PDK1: variants seen among roughly 807,000 people sequenced by gnomAD.
PDK1 encodes the protein [Pyruvate dehydrogenase (acetyl-transferring)] kinase isozyme 1, mitochondrial.
PDK1 carries 39 observed loss-of-function variants against 54.2 expected under a neutral mutation model. That is an observed-to-expected ratio of 0.72 (90% CI 0.56 to 0.94). PDK1 has a LOEUF of 0.94. PDK1 is among the 40% of genes least tolerant of loss of function. PDK1 has a pLI of 0.00. For missense variants in PDK1, 552 were observed against 566.0 expected (o/e 0.98, Z 0.25); for synonymous variants, 221 against 207.1 (o/e 1.07, Z -0.58).
In PDK1 at chr2:172,596,134, A is replaced by G. The variant is rs1690878175; in HGVS notation, c.*165A>G. 3 of 553,032 alleles carry G rather than the reference A, an allele frequency of 5.4e-6. No individual in the cohort carries two copies. The highest frequency in any genetic ancestry group is 3.4e-5 in the South Asian group (1 of 29,738). 34.3% of individuals were successfully genotyped at this position (553,032 alleles called of 1,614,324 possible). On this transcript the variant is annotated 3_prime_UTR_variant, in exon 11 of 11. Transcript: ENST00000282077. ...TCCATTTGTGCCCGTTAAACCTCCT[A>G]AAGGATGAAATTGCACCTATTTTAC... is the stretch of plus-strand genomic sequence containing the variant.
chr2:172,662,812 TC>T, the PDK1 span, among the ~76,000 whole-genome samples: 1 of 152,132 alleles, frequency 6.6e-6, no homozygotes, highest in Non-Finnish European at 1.5e-5. Flanking sequence ...CTAGGCCTTT[TC>T]CCCCTCTTTT....
rs1401722050 is a variant in PDK1 at position 172,558,750 on chromosome 2, G to A, written c.239G>A (p.Arg80Gln). The change falls in exon 2 of 11, where the codon CGG becomes CAG. Residue 80 changes from arginine to glutamine, a missense_variant. Physicochemically the swap from Arg to Gln is conservative, Grantham distance 43. Transcript: ENST00000282077. ...ACEKTSFMFL[R>Q]QELPVRLANI... is the part of the protein sequence containing the mutation. Reference sequence around the variant, plus strand: ...GAAAAGACCTCATTTATGTTTCTGCGGCAAGAGTTGCCTGTCAGACTGGCA... The same window carrying A: ...GAAAAGACCTCATTTATGTTTCTGCAGCAAGAGTTGCCTGTCAGACTGGCA... The A allele has an allele frequency of 1.9e-6, 3 of 1,610,014 alleles. No individual in the cohort carries two copies. Among genetic ancestry groups the A allele is most frequent in the South Asian group, 2.2e-5 (2 of 90,418 alleles).
the PDK1 span, among the ~76,000 whole-genome samples, chr2:172,667,292 G>A: frequency 6.6e-6 from 1 of 152,190 alleles, no homozygotes; most frequent in African/African-American, 2.4e-5. Context: ...GTCTGCAGAA[G>A]GAACAGGCAA....
chr2:172,699,695 T>C, the PDK1 span, among the ~76,000 whole-genome samples: 1 of 152,006 alleles, frequency 6.6e-6, no homozygotes, highest in South Asian at 2.1e-4. Context: ...TAAGTGAAAA[T>C]TATTGCTCTA....
chr2:172,610,477 C>T (rs909783369), downstream of PDK1, among the ~76,000 whole-genome samples: 1 of 152,134 alleles, frequency 6.6e-6, no homozygotes, highest in African/African-American at 2.4e-5. Flanking sequence ...CTTTTGTTCT[C>T]CAGTCCTGGG....
chr2:172,560,757 A>C (rs1201493662), intron 2 of PDK1, among the ~76,000 whole-genome samples: 4 of 152,192 alleles, frequency 2.6e-5, no homozygotes, highest in Non-Finnish European at 5.9e-5. Flanking sequence ...TCTCTTCCCA[A>C]AGATAAGTAG....
At chr2:172,609,632 C>A (rs958351001), downstream of PDK1, among the ~76,000 whole-genome samples, 1 of 152,214 alleles carries the variant, frequency 6.6e-6, no homozygotes, top group Non-Finnish European at 1.5e-5. Context: ...AATGCGGACA[C>A]TAGTTTCTAA....
At chr2:172,566,987 G>A in intron 6 of PDK1, 54 bp downstream of exon 6, 1 of 1,179,928 alleles carries the variant, frequency 8.5e-7, no homozygotes, top group South Asian at 1.3e-5. Flanking sequence ...TACTTGATAA[G>A]GGATAAGAAT....
the PDK1 span, among the ~76,000 whole-genome samples, chr2:172,648,633 C>G: frequency 6.6e-6 from 1 of 152,176 alleles, no homozygotes; most frequent in Non-Finnish European, 1.5e-5. Flanking sequence ...CACTCCCATC[C>G]TAATACTGAG....
At chr2:172,682,384 C>G in the PDK1 span, among the ~76,000 whole-genome samples, 2 of 152,212 alleles carry the variant, frequency 1.3e-5, no homozygotes, top group African/African-American at 4.8e-5. Flanking sequence ...TGTGGGCAGA[C>G]GAGTGACCTG....
intron 9 of PDK1, among the ~76,000 whole-genome samples, chr2:172,588,692 G>GAAAGGCCA (rs1690398485): frequency 6.6e-6 from 1 of 152,180 alleles, no homozygotes; most frequent in East Asian, 1.9e-4. Context: ...GCAGGCAGTA[G>GAAAGGCCA]GGTAGCTGGA....
At chr2:172,689,385 G>T in the PDK1 span, among the ~76,000 whole-genome samples, 1 of 152,170 alleles carries the variant, frequency 6.6e-6, no homozygotes, top group Non-Finnish European at 1.5e-5. Context: ...CCATGCTCAT[G>T]GATAGGAAGA....
At chr2:172,608,733 A>T (rs558464711), downstream of PDK1, 1 of 152,094 alleles carries the variant, frequency 6.6e-6, no homozygotes, top group African/African-American at 2.4e-5. Flanking sequence ...AAAGCTACCC[A>T]CTGTATGATT....
At chr2:172,560,522 G>A (rs1332473439) in intron 2 of PDK1, among the ~76,000 whole-genome samples, 2 of 152,148 alleles carry the variant, frequency 1.3e-5, no homozygotes, top group African/African-American at 2.4e-5. Flanking sequence ...AATCTTTTGC[G>A]TAAGACAGTA....
At chr2:172,650,341 T>C in the PDK1 span, among the ~76,000 whole-genome samples, 42 of 152,192 alleles carry the variant, frequency 2.8e-4, no homozygotes, top group East Asian at 7.9e-3. Flanking sequence ...AAGCACTAAA[T>C]ATGGAAAGGA....
At chr2:172,667,018 C>T in the PDK1 span, among the ~76,000 whole-genome samples, 12 of 151,898 alleles carry the variant, frequency 7.9e-5, no homozygotes, top group Non-Finnish European at 1.3e-4. Context: ...AGTTTTGTTA[C>T]GTGGATATAT....
At chr2:172,668,772 ATATG>A in the PDK1 span, among the ~76,000 whole-genome samples, 1 of 145,704 alleles carries the variant, frequency 6.9e-6, no homozygotes, top group Non-Finnish European at 1.5e-5. Flanking sequence ...TTTTCTATAT[ATATG>A]TACACACACA....
chr2:172,679,136 T>A, the PDK1 span: 3 of 152,354 alleles, frequency 2.0e-5, no homozygotes, highest in South Asian at 6.2e-4. Flanking sequence ...GAAACTTCCC[T>A]AAATTTTTAT....
intron 8 of PDK1, among the ~76,000 whole-genome samples, chr2:172,573,181 GACCTGC>G (rs985464857): frequency 1.3e-5 from 2 of 152,160 alleles, no homozygotes; most frequent in Non-Finnish European, 2.9e-5. Context: ...TTTTCCAAAG[GACCTGC>G]ACCATTTTGC....
Sources: gnomAD v4.1 joint callset for allele counts (sites outside exome capture counted in the v4.1 genomes callset) on GRCh38, gnomAD v4.1.1 for gene constraint, MANE v1.5 for transcripts, NCBI Gene and HGNC (gene_info 2026-07-23, HGNC 2026-07-21) for gene names.